The following TRDN variants were observed in gnomAD, a reference collection of about 807,000 sequenced individuals.
TRDN encodes the protein triadin.
In TRDN, 161 loss-of-function variants were observed where a neutral mutation model predicts 149.7. The observed-to-expected ratio is 1.08, with a 90% CI of 0.95 to 1.23. TRDN has a LOEUF of 1.23. Ranked by LOEUF, TRDN falls within the 50% of genes most tolerant of loss-of-function variation. The pLI is 0.00. For synonymous variants in TRDN, 294 were observed against 250.5 expected (o/e 1.17, Z -1.64); for missense variants, 896 against 823.5 (o/e 1.09, Z -1.08).
chr6:123,271,255 T>A, intron 29 of TRDN, 69 bp from the exon 30 acceptor site: 2 of 1,144,840 alleles, frequency 1.7e-6, no homozygotes, highest in Non-Finnish European at 2.4e-6. Context: ...TCAACCATGA[T>A]TTTTGTATTC....
chr6:123,593,870 A>G (rs1044102820), intron 1 of TRDN, among the ~76,000 whole-genome samples: 2 of 152,182 alleles, frequency 1.3e-5, no homozygotes, highest in Admixed American at 1.3e-4. Context: ...TATCTTTTAA[A>G]AGTTTAAGTT....
chr6:123,335,464 T>C (rs1315135746), intron 22 of TRDN, among the ~76,000 whole-genome samples: 1 of 151,828 alleles, frequency 6.6e-6, no homozygotes, highest in Non-Finnish European at 1.5e-5. Flanking sequence ...GTTTGCAGCA[T>C]GTGATTATTG....
rs996722736 is a variant in TRDN, at chr6:123,485,662, T to G, written c.853+11531A>C. Among the ~76,000 whole-genome samples, 3 of 152,264 alleles carry G rather than the reference T, an allele frequency of 2.0e-5. No homozygotes were observed. In the South Asian group the frequency reaches 6.2e-4, roughly 32 times the overall value. ...CCATCCACACCAAACACTTAAATAATGCTTATTATGGTTATTATAGTCAAG... is the reference window on the plus strand; with the variant it reads ...CCATCCACACCAAACACTTAAATAAGGCTTATTATGGTTATTATAGTCAAG... On this transcript the variant is annotated intron_variant, in intron 9 of 40. Transcript: ENST00000334268.
intron 38 of TRDN, among the ~76,000 whole-genome samples, chr6:123,239,675 G>A (rs1048024204): frequency 1.3e-5 from 2 of 151,942 alleles, no homozygotes; most frequent in African/African-American, 4.8e-5. Context: ...AATTATAGTG[G>A]AAATTAAATA....
chr6:123,228,318 T>C (rs1420430007), intron 38 of TRDN, among the ~76,000 whole-genome samples: 1 of 151,910 alleles, frequency 6.6e-6, no homozygotes, highest in African/African-American at 2.4e-5. Context: ...ACTAAGCCAT[T>C]CTGCCTGCAT....
At chr6:123,499,363 T>G (rs539696812) in intron 8 of TRDN, among the ~76,000 whole-genome samples, 17 of 152,190 alleles carry the variant, frequency 1.1e-4, no homozygotes, top group African/African-American at 4.1e-4. Flanking sequence ...CTTTTCAGCT[T>G]GTATGTTGAA....
intron 1 of TRDN, among the ~76,000 whole-genome samples, chr6:123,589,253 A>G (rs750823056): frequency 1.6e-4 from 24 of 152,174 alleles, no homozygotes; most frequent in Admixed American, 1.3e-3. Flanking sequence ...TTCTTAGCAA[A>G]TATCATTTGA....
intron 12 of TRDN, among the ~76,000 whole-genome samples, chr6:123,400,299 G>A (rs959111146): frequency 5.3e-5 from 8 of 151,650 alleles, no homozygotes; most frequent in African/African-American, 1.7e-4. Context: ...CTAGTTGACA[G>A]GGCCTCTAAT....
At chr6:123,490,996 C>T (rs1189895273) in intron 9 of TRDN, among the ~76,000 whole-genome samples, 3 of 151,940 alleles carry the variant, frequency 2.0e-5, no homozygotes, top group Admixed American at 2.0e-4. Context: ...GTCCCAGCTA[C>T]TCGCAAGGCT....
chr6:123,374,949 A>G (rs1251648769), intron 19 of TRDN, among the ~76,000 whole-genome samples: 2 of 152,196 alleles, frequency 1.3e-5, no homozygotes, highest in Non-Finnish European at 1.5e-5. Flanking sequence ...AATCCTATAT[A>G]CAAAGCTTAT....
At chr6:123,591,018 A>T (rs548081725) in intron 1 of TRDN, among the ~76,000 whole-genome samples, 1 of 152,170 alleles carries the variant, frequency 6.6e-6, no homozygotes, top group Non-Finnish European at 1.5e-5. Flanking sequence ...GTCTACTTTC[A>T]TGCATCTTTA....
intron 20 of TRDN, among the ~76,000 whole-genome samples, chr6:123,356,530 T>C (rs1351326783): frequency 1.6e-5 from 2 of 123,716 alleles, no homozygotes; most frequent in South Asian, 2.4e-4. Context: ...TATATATATA[T>C]ATATATATAT....
At chr6:123,453,150 T>C (rs985326526) in intron 10 of TRDN, among the ~76,000 whole-genome samples, 1 of 152,204 alleles carries the variant, frequency 6.6e-6, no homozygotes, top group Admixed American at 6.5e-5. Flanking sequence ...ATAAAAATTC[T>C]AGAAGATAAC....
chr6:123,359,815 C>T (rs2114332460), intron 20 of TRDN, among the ~76,000 whole-genome samples: 2 of 152,194 alleles, frequency 1.3e-5, no homozygotes, highest in Admixed American at 1.3e-4. Flanking sequence ...CCTGCCTCAG[C>T]CTCCCGAGTA....
chr6:123,355,429 A>C (rs1780628837), intron 20 of TRDN, among the ~76,000 whole-genome samples: 1 of 151,722 alleles, frequency 6.6e-6, no homozygotes. Context: ...TTAGCAGTAC[A>C]ATCCACTGAA....
chr6:123,283,617 T>C (rs1286133961), intron 24 of TRDN, among the ~76,000 whole-genome samples: 1 of 151,340 alleles, frequency 6.6e-6, no homozygotes, highest in Admixed American at 6.6e-5. Context: ...AAATGGGAGA[T>C]ATTACAACTG....
intron 31 of TRDN, 48 bp from the exon 32 acceptor site, chr6:123,267,799 A>C: frequency 6.9e-7 from 1 of 1,449,258 alleles, no homozygotes; most frequent in Non-Finnish European, 9.4e-7. Flanking sequence ...ATTCTTTGGC[A>C]AATATTTCTT....
rs76179327 is a variant in TRDN at position 123,292,362 on chromosome 6, G to A, written c.1511-13280C>T. On this transcript the variant is annotated intron_variant, in intron 24 of 40. Coordinates refer to ENST00000334268, the MANE Select transcript of TRDN (RefSeq NM_006073.4). The stretch of plus-strand genomic sequence containing the variant: ...TTGGCCCTTGAACCCCTTTTTAGCA[G>A]TGTGGGAGCCAGAGACTAGGAGCCA... Among the ~76,000 whole-genome samples, 478 of 152,234 alleles carry A rather than the reference G, an allele frequency of 3.1e-3. 18 individuals carry two copies. In the East Asian group the frequency reaches 0.079, roughly 25 times the overall value.
intron 10 of TRDN, among the ~76,000 whole-genome samples, chr6:123,450,282 T>C (rs1415933588): frequency 6.6e-6 from 1 of 152,114 alleles, no homozygotes. Flanking sequence ...ACTTAAAAGA[T>C]ACAGAACCAC....
Sources: gnomAD v4.1 joint callset for allele counts (sites outside exome capture counted in the v4.1 genomes callset) on GRCh38, gnomAD v4.1.1 for gene constraint, MANE v1.5 for transcripts, NCBI Gene and HGNC (gene_info 2026-07-23, HGNC 2026-07-21) for gene names.